PPFIA4: variants seen among roughly 807,000 people sequenced by gnomAD.
PPFIA4 encodes the protein liprin-alpha-4.
PPFIA4 carries 98 observed loss-of-function variants against 145.7 expected under a neutral mutation model. That is an observed-to-expected ratio of 0.67 (90% CI 0.57 to 0.80). The LOEUF is 0.80. PPFIA4 is among the 30% of genes least tolerant of loss of function. The probability of loss-of-function intolerance (pLI) is 0.00; values close to 1 mark genes in which losing one functional copy is unlikely to be tolerated. For missense variants in PPFIA4, 1,457 were observed against 1,632.7 expected (o/e 0.89, Z 1.85); for synonymous variants, 628 against 649.6 (o/e 0.97, Z 0.51).
rs752799534 is a variant in PPFIA4 at position 203,048,654 on chromosome 1, C to T, written c.1296C>T (p.Ser432=). 5.6e-6 allele frequency: 9 copies of T among 1,606,856 alleles called. No individual in the cohort carries two copies. In the Admixed American group the frequency reaches 1.0e-4, roughly 18 times the overall value. The change falls in exon 11 of 30, where the codon AGC becomes AGT. Residue 432 remains serine (S), a synonymous_variant. Coordinates refer to ENST00000295706, the MANE Select transcript of PPFIA4 (RefSeq NM_001304331.2). This position sits in a 1 kb window ranked among gnomAD's most constrained non-coding sequence, Gnocchi z 5.8. ...RLSDTVDRLL[S]ESNERLQLHL... The stretch of plus-strand genomic sequence containing the variant: ...CGGACACAGTGGACCGGCTGCTCAG[C>T]GAGTCCAACGAGCGTCTGCAGCTCC...
chr1:203,035,158 C>G (rs1659137628), intron 1 of PPFIA4: 1 of 385,218 alleles, frequency 2.6e-6, no homozygotes, highest in African/African-American at 2.1e-5. Flanking sequence ...GGGTGGGTGT[C>G]CGACCCTCCT....
Position 203,043,609 on chromosome 1 carries a change from G to C in PPFIA4, c.336+111G>C. The C allele has an allele frequency of 1.0e-6, 1 of 992,358 alleles. No homozygotes were observed. 61.5% of individuals were successfully genotyped at this position (992,358 alleles called of 1,614,324 possible). On this transcript the variant is annotated intron_variant, in intron 3 of 29. Transcript: ENST00000295706. The surrounding 1 kb of genome is among the most constrained non-coding windows in gnomAD (Gnocchi z 4.4). ...GCAGGCAAGAGTGGGGCCAGGCACAGTCCTAGCTCAAGCCCCATCCTTCCC... is the reference window on the plus strand; with the variant it reads ...GCAGGCAAGAGTGGGGCCAGGCACACTCCTAGCTCAAGCCCCATCCTTCCC...
intron 16 of PPFIA4, 97 bp from the exon 17 acceptor site, chr1:203,056,023 T>A: frequency 1.6e-6 from 2 of 1,235,898 alleles, no homozygotes; most frequent in South Asian, 1.3e-5. Context: ...AGGCACTGAA[T>A]CCTATCTTCT....
In PPFIA4 at chr1:203,063,828, A is replaced by T; in HGVS notation, c.2875A>T (p.Thr959Ser). The T allele has an allele frequency of 1.2e-6, 2 of 1,613,696 alleles. No individual in the cohort carries two copies. The highest frequency in any genetic ancestry group is 1.7e-6 in the Non-Finnish European group (2 of 1,179,828). ...TDSEEGSWAQ[T>S]LAYGDMNHEW... The stretch of plus-strand genomic sequence containing the variant: ...AGCCTCCTGCATCTCATTTCCCTAG[A>T]CCCTGGCCTATGGGGACATGAACCA... The change falls in exon 25 of 30, where the codon ACC becomes TCC. Residue 959 changes from threonine to serine, a missense_variant and splice_region_variant. Thr to Ser is a moderately conservative substitution (Grantham distance 58). Around this residue, in one of 3 missense-constraint regions of PPFIA4, gnomAD observed 848 missense variants for 1,046.7 expected, o/e 0.81. Transcript: ENST00000295706.
chr1:203,044,459 C>A lies in PPFIA4; in HGVS notation c.576+6C>A, dbSNP rs1397463559. ...TGGCAGGTGCCCACCAGCAGGTAAT[C>A]TGCCTGCTCACCCTCAGTCTGCAGC... On this transcript the variant is annotated splice_donor_region_variant and intron_variant, in intron 5 of 29. Transcript: ENST00000295706. 1 of 1,549,912 alleles carries A rather than the reference C, an allele frequency of 6.5e-7. No homozygotes were observed. The highest frequency in any genetic ancestry group is 1.2e-5 in the South Asian group (1 of 84,028).
rs953970062 is a variant in PPFIA4 at position 203,038,997 on chromosome 1, C to T, written c.-12C>T. On this transcript the variant is annotated 5_prime_UTR_variant, in exon 2 of 30. Transcript: ENST00000295706. Reference sequence around the variant, plus strand: ...GTCCCCTGACGCTGAGAAGGCCCTGCCAACCCCCACCATGTGTGAGGTGAT... The same window carrying T: ...GTCCCCTGACGCTGAGAAGGCCCTGTCAACCCCCACCATGTGTGAGGTGAT... 7 of 1,443,468 alleles carry T rather than the reference C, an allele frequency of 4.8e-6. No homozygotes were observed. Among genetic ancestry groups the T allele is most frequent in the Non-Finnish European group, 5.6e-6 (6 of 1,068,990 alleles). The allele number at this position is 1,443,468 out of a possible 1,614,324, so 89.4% of individuals were successfully genotyped here.
At position 203,048,140 on chromosome 1, in the gene PPFIA4, C is replaced by A; in HGVS notation, c.1141-87C>A. ...TACTGGGGGCCATGATCCCCAGGGC[C>A]ACCCTGGCACCAGGGTGCAGGGGAT... is the stretch of plus-strand genomic sequence containing the variant. On this transcript the variant is annotated intron_variant, in intron 9 of 29. Coordinates refer to ENST00000295706, the MANE Select transcript of PPFIA4 (RefSeq NM_001304331.2). This position sits in a 1 kb window ranked among gnomAD's most constrained non-coding sequence, Gnocchi z 5.8. The A allele has an allele frequency of 7.7e-7, 1 of 1,305,316 alleles. No individual in the cohort carries two copies. The highest frequency in any genetic ancestry group is 1.2e-5 in the South Asian group (1 of 80,414). The allele number at this position is 1,305,316 out of a possible 1,614,324, so 80.9% of individuals were successfully genotyped here.
intron 1 of PPFIA4, among the ~76,000 whole-genome samples, chr1:203,032,435 TGTTGTTGTTG>T (rs1658918170): frequency 6.6e-6 from 1 of 150,614 alleles, no homozygotes; most frequent in Admixed American, 6.6e-5. Flanking sequence ...GCTTTTTTGT[TGTTGTTGTTG>T]TTTTTGAAAT....
chr1:203,076,326 C>G lies in PPFIA4; in HGVS notation c.3575-15C>G, dbSNP rs748760881. The G allele has an allele frequency of 1.9e-6, 3 of 1,602,860 alleles. No homozygotes were observed. The South Asian group carries it at 3.3e-5, about 18-fold the overall frequency. ...CTGCCTCACAGTGCGATGCCTGTCT[C>G]TCTCTCTCCCTCAGCTCACTCCCAC... On this transcript the variant is annotated splice_polypyrimidine_tract_variant and intron_variant, in intron 29 of 29. Coordinates refer to ENST00000295706, the MANE Select transcript of PPFIA4 (RefSeq NM_001304331.2).
intron 15 of PPFIA4, chr1:203,054,221 G>A (rs1343530692): frequency 7.7e-6 from 5 of 653,014 alleles, no homozygotes; most frequent in Non-Finnish European, 8.3e-6. Context: ...CTGTGTTCCT[G>A]CAGCCCTGCA....
chr1:203,067,867 G>A, intron 26 of PPFIA4, 75 bp downstream of exon 26: 1 of 1,257,740 alleles, frequency 8.0e-7, no homozygotes, highest in Non-Finnish European at 1.2e-6. Flanking sequence ...AAGTGGAGGG[G>A]AGGCATTCTG....
chr1:203,070,409 A>G (rs1662066813), intron 27 of PPFIA4, among the ~76,000 whole-genome samples: 1 of 151,802 alleles, frequency 6.6e-6, no homozygotes, highest in Admixed American at 6.6e-5. Flanking sequence ...AGTGAGACCC[A>G]GTCTCTACAA....
At chr1:203,059,950 C>G in intron 21 of PPFIA4, 99 bp downstream of exon 21, 1 of 1,045,020 alleles carries the variant, frequency 9.6e-7, no homozygotes, top group Non-Finnish European at 1.5e-6. Flanking sequence ...GTGTGTTTCT[C>G]CCCTGCCAAG....
Position 203,044,127 on chromosome 1 carries a change from G to T in PPFIA4, c.501+32G>T, listed in dbSNP as rs750846916. On this transcript the variant is annotated intron_variant, in intron 4 of 29. Coordinates refer to ENST00000295706, the MANE Select transcript of PPFIA4 (RefSeq NM_001304331.2). ...ACCTGCCCGCCAGCCCCCACATCCA[G>T]CCAGGCTGCCCTGGAGCCTCCCATG... 3.2e-6 allele frequency: 5 copies of T among 1,548,092 alleles called. No individual in the cohort carries two copies. The South Asian group carries it at 6.1e-5, about 19-fold the overall frequency.
intron 7 of PPFIA4, 132 bp from the exon 8 acceptor site, chr1:203,045,709 C>T: frequency 1.4e-6 from 2 of 1,477,242 alleles, no homozygotes; most frequent in Non-Finnish European, 1.8e-6. Flanking sequence ...GGGCCAAAGC[C>T]AGAAACTGAC....
intron 1 of PPFIA4, chr1:203,034,402 A>G (rs972768764): frequency 2.2e-6 from 1 of 453,550 alleles, no homozygotes; most frequent in Non-Finnish European, 4.4e-6. Flanking sequence ...TTCTGGGGGT[A>G]CAAAGCTAGA....
At chr1:203,067,520 C>T (rs1407309233) in intron 25 of PPFIA4, 175 bp from the exon 26 acceptor site, 3 of 610,914 alleles carry the variant, frequency 4.9e-6, no homozygotes, top group South Asian at 1.9e-5. Flanking sequence ...AAGGGAGTAA[C>T]CTCGGGATGG....
At chr1:203,054,010 G>T in intron 15 of PPFIA4, 49 bp downstream of exon 15, 1 of 1,537,236 alleles carries the variant, frequency 6.5e-7, no homozygotes, top group Non-Finnish European at 8.8e-7. Context: ...GGGCAGGGGG[G>T]CCCTTTGTGT....
chr1:203,048,969 C>A lies in PPFIA4; in HGVS notation c.1408C>A (p.His470Asn), dbSNP rs759699523. ...CTCCCAGCGGCAGATTGAGGAGCAGCACCACCACAAGGTACCCGGCTGCGG... is the reference window on the plus strand; with the variant it reads ...CTCCCAGCGGCAGATTGAGGAGCAGAACCACCACAAGGTACCCGGCTGCGG... ...ESSQRQIEEQ[H>N]HHKGRLSEEI... Residue 470 changes from histidine to asparagine, a missense_variant, in exon 12 of 30, where the codon CAC becomes AAC. By Grantham distance (68) the His-to-Asn change is moderately conservative. Around this residue, in one of 3 missense-constraint regions of PPFIA4, gnomAD observed 848 missense variants for 1,046.7 expected, o/e 0.81. Coordinates refer to ENST00000295706, the MANE Select transcript of PPFIA4 (RefSeq NM_001304331.2). The surrounding 1 kb of genome is among the most constrained non-coding windows in gnomAD (Gnocchi z 5.8). 2 of 1,548,462 alleles carry A rather than the reference C, an allele frequency of 1.3e-6. No individual in the cohort carries two copies. Among genetic ancestry groups the A allele is most frequent in the Admixed American group, 3.9e-5 (2 of 50,964 alleles).
Sources: gnomAD v4.1 joint callset for allele counts (sites outside exome capture counted in the v4.1 genomes callset) on GRCh38, gnomAD v4.1.1 for gene constraint, gnomAD v4.1.1 regional missense constraint, Gnocchi (gnomAD v3.1) non-coding constraint, MANE v1.5 for transcripts, NCBI Gene and HGNC (gene_info 2026-07-23, HGNC 2026-07-21) for gene names.